Variants in NEGR1 observed in about 807,000 individuals in gnomAD.
The protein encoded by NEGR1 is neuronal growth regulator 1.
A neutral mutation model predicts 40.9 loss-of-function variants in NEGR1; 10 were observed. That is an observed-to-expected ratio of 0.24 (90% CI 0.15 to 0.42). The LOEUF is 0.42. Among genes scored for constraint, NEGR1 ranks in the 10% least tolerant of loss-of-function variants. The pLI is 1.00. For synonymous variants in NEGR1, 185 were observed against 166.8 expected (o/e 1.11, Z -0.84); for missense variants, 352 against 438.9 (o/e 0.80, Z 1.77).
At chr1:71,723,766 T>G (rs548827113) in intron 3 of NEGR1, among the ~76,000 whole-genome samples, 1 of 152,242 alleles carries the variant, frequency 6.6e-6, no homozygotes, top group South Asian at 2.1e-4. Context: ...GAAGTGGGAA[T>G]CCCCTATTTG....
At chr1:72,115,703 C>G (rs189312621) in intron 1 of NEGR1, among the ~76,000 whole-genome samples, 1 of 151,582 alleles carries the variant, frequency 6.6e-6, no homozygotes, top group Non-Finnish European at 1.5e-5. Flanking sequence ...AGTGGGTATA[C>G]GGGAAGTACC....
At chr1:71,685,053 C>A (rs908120364) in intron 4 of NEGR1, among the ~76,000 whole-genome samples, 2 of 151,888 alleles carry the variant, frequency 1.3e-5, no homozygotes, top group Admixed American at 1.3e-4. Context: ...TAATAAATAC[C>A]AATGTATTAA....
chr1:71,404,050 A>G lies in NEGR1; in HGVS notation c.*3396T>C. 3.2e-6 allele frequency: 1 copy of G among 310,128 alleles called. No individual in the cohort carries two copies. The highest frequency in any genetic ancestry group is 5.9e-6 in the Non-Finnish European group (1 of 168,238). The allele number at this position is 310,128 out of a possible 1,614,324, so 19.2% of individuals were successfully genotyped here. ...TGGCTGTGTCACAAAGCTAAGCACA[A>G]TGGATAAATTAACAATTGTTCAGTA... On this transcript the variant is annotated 3_prime_UTR_variant, in exon 7 of 7. Transcript: ENST00000357731.
intron 1 of NEGR1, among the ~76,000 whole-genome samples, chr1:71,974,884 C>T (rs1279372533): frequency 6.6e-6 from 1 of 152,126 alleles, no homozygotes; most frequent in Non-Finnish European, 1.5e-5. Context: ...GAAGCTTTAA[C>T]TAACTCGAGA....
At chr1:71,615,288 G>GAA (rs11432692) in intron 4 of NEGR1, among the ~76,000 whole-genome samples, 25 of 150,152 alleles carry the variant, frequency 1.7e-4, no homozygotes, top group Admixed American at 3.3e-4. Context: ...TCACATTAAT[G>GAA]AAAAAAAAAA....
intron 2 of NEGR1, among the ~76,000 whole-genome samples, chr1:71,816,185 A>G (rs534547948): frequency 1.3e-5 from 2 of 152,190 alleles, no homozygotes; most frequent in South Asian, 4.1e-4. Context: ...AGAACTCAAT[A>G]TGTGAAATCC....
chr1:71,986,435 C>G (rs1006026438), intron 1 of NEGR1, among the ~76,000 whole-genome samples: 4 of 152,192 alleles, frequency 2.6e-5, no homozygotes, highest in African/African-American at 9.6e-5. Flanking sequence ...TGGTCTGGTC[C>G]TACAGACTGA....
Position 72,061,111 on chromosome 1 carries a change from A to C in NEGR1, c.177-125800T>G, listed in dbSNP as rs138850744. Among the ~76,000 whole-genome samples, 5 of 151,788 alleles carry C rather than the reference A, an allele frequency of 3.3e-5. No homozygotes were observed. In the East Asian group the frequency reaches 9.7e-4, roughly 30 times the overall value. ...TAACTACTTCCTCATCCTCAGTGAA[A>C]TGTTTAATACCTAGAGACAGAATTC... On this transcript the variant is annotated intron_variant, in intron 1 of 6. Coordinates refer to ENST00000357731, the MANE Select transcript of NEGR1 (RefSeq NM_173808.3).
At chr1:72,152,544 T>C (rs149081290) in intron 1 of NEGR1, among the ~76,000 whole-genome samples, 2,663 of 152,108 alleles carry the variant, frequency 0.018, 27 homozygotes, top group Non-Finnish European at 0.027. Flanking sequence ...TGTAAATTTG[T>C]CCACCACTGT....
intron 6 of NEGR1, among the ~76,000 whole-genome samples, chr1:71,431,720 CAAAT>C (rs1646470911): frequency 6.6e-6 from 1 of 151,920 alleles, no homozygotes; most frequent in African/African-American, 2.4e-5. Context: ...AACAAATAAA[CAAAT>C]AAAACATCAA....
intron 1 of NEGR1, among the ~76,000 whole-genome samples, chr1:72,209,152 T>C (rs536634233): frequency 6.6e-6 from 1 of 151,754 alleles, no homozygotes; most frequent in South Asian, 2.1e-4. Flanking sequence ...TTAAACTCTT[T>C]TAATTTTACT....
intron 1 of NEGR1, among the ~76,000 whole-genome samples, chr1:72,170,899 G>A (rs958445418): frequency 2.6e-5 from 4 of 152,084 alleles, no homozygotes; most frequent in African/African-American, 7.2e-5. Flanking sequence ...CTTATGCTTT[G>A]TTCTCAATGT....
chr1:72,056,728 T>C (rs1331072455), intron 1 of NEGR1, among the ~76,000 whole-genome samples: 1 of 151,516 alleles, frequency 6.6e-6, no homozygotes, highest in Non-Finnish European at 1.5e-5. Context: ...TTTTATTGAA[T>C]TAGTTCCTTT....
chr1:72,144,328 A>G (rs1376161740), intron 1 of NEGR1, among the ~76,000 whole-genome samples: 1 of 151,850 alleles, frequency 6.6e-6, no homozygotes, highest in Non-Finnish European at 1.5e-5. Context: ...TGAGTGAAAA[A>G]ACATAATTAT....
intron 2 of NEGR1, among the ~76,000 whole-genome samples, chr1:71,781,233 C>T (rs980188402): frequency 6.6e-6 from 1 of 152,026 alleles, no homozygotes; most frequent in Non-Finnish European, 1.5e-5. Context: ...GTCATATAAG[C>T]ACAGGGTATT....
intron 6 of NEGR1, among the ~76,000 whole-genome samples, chr1:71,411,119 A>T (rs6660446): frequency 0.93 from 141,988 of 152,182 alleles, 66,693 homozygotes; most frequent in Non-Finnish European, 0.99. Context: ...TGTTCAGTAA[A>T]CGTCAGTGCT....
chr1:72,141,942 T>C (rs765666473), intron 1 of NEGR1, among the ~76,000 whole-genome samples: 3 of 150,214 alleles, frequency 2.0e-5, no homozygotes, highest in Non-Finnish European at 4.5e-5. Flanking sequence ...TAACAATTTA[T>C]AGCAAAAAGG....
intron 6 of NEGR1, among the ~76,000 whole-genome samples, chr1:71,589,574 T>C (rs1649431171): frequency 6.6e-6 from 1 of 152,078 alleles, no homozygotes; most frequent in Admixed American, 6.6e-5. Flanking sequence ...ACCTTAATTC[T>C]TTTCTTATGT....
intron 4 of NEGR1, among the ~76,000 whole-genome samples, chr1:71,654,222 T>C (rs1308268268): frequency 6.6e-6 from 1 of 151,868 alleles, no homozygotes; most frequent in Non-Finnish European, 1.5e-5. Context: ...ACAGGTGGAA[T>C]GTAGAGTATT....
Sources: gnomAD v4.1 joint callset for allele counts (sites outside exome capture counted in the v4.1 genomes callset) on GRCh38, gnomAD v4.1.1 for gene constraint, MANE v1.5 for transcripts, NCBI Gene and HGNC (gene_info 2026-07-23, HGNC 2026-07-21) for gene names.